NEGR1: variants seen among roughly 807,000 people sequenced by gnomAD.
The protein encoded by NEGR1 is neuronal growth regulator 1.
In NEGR1, 10 loss-of-function variants were observed where a neutral mutation model predicts 40.9. That is an observed-to-expected ratio of 0.24 (90% CI 0.15 to 0.42). The LOEUF is 0.42. NEGR1 is among the 10% of genes least tolerant of loss of function. NEGR1 has a pLI of 1.00. For missense variants in NEGR1, 352 were observed against 438.9 expected (o/e 0.80, Z 1.77); for synonymous variants, 185 against 166.8 (o/e 1.11, Z -0.84).
At chr1:72,092,206 T>A (rs1648526209) in intron 1 of NEGR1, among the ~76,000 whole-genome samples, 2 of 152,088 alleles carry the variant, frequency 1.3e-5, no homozygotes, top group African/African-American at 4.8e-5. Flanking sequence ...GTCAGATAAA[T>A]GACAGGAAAG....
chr1:71,742,093 T>C (rs1655230399), intron 3 of NEGR1, among the ~76,000 whole-genome samples: 1 of 152,094 alleles, frequency 6.6e-6, no homozygotes, highest in South Asian at 2.1e-4. Context: ...GGGGCTCTCG[T>C]AAGAGGATTA....
chr1:71,830,475 G>A (rs758906245), intron 2 of NEGR1, among the ~76,000 whole-genome samples: 36 of 151,664 alleles, frequency 2.4e-4, no homozygotes, highest in Admixed American at 4.6e-4. Context: ...AAAATAGGCC[G>A]TGCGTCAGAC....
chr1:72,115,327 GAAA>G (rs1649540190), intron 1 of NEGR1, among the ~76,000 whole-genome samples: 1 of 151,678 alleles, frequency 6.6e-6, no homozygotes, highest in South Asian at 2.1e-4. Context: ...ACAGATCTAA[GAAA>G]ATGTGGCTGG....
At chr1:72,250,337 C>G (rs1655045370) in intron 1 of NEGR1, among the ~76,000 whole-genome samples, 1 of 151,968 alleles carries the variant, frequency 6.6e-6, no homozygotes, top group Non-Finnish European at 1.5e-5. Flanking sequence ...AATATACTAC[C>G]CTTACCTTTC....
chr1:71,688,371 T>TATAAAAAAG (rs1553158636), intron 4 of NEGR1, among the ~76,000 whole-genome samples: 1 of 95,120 alleles, frequency 1.1e-5, no homozygotes, highest in African/African-American at 3.8e-5. Flanking sequence ...ATATATGAGA[T>TATAAAAAAG]ATATACATAA....
intron 1 of NEGR1, among the ~76,000 whole-genome samples, chr1:72,116,106 G>C (rs1420477423): frequency 6.6e-6 from 1 of 151,646 alleles, no homozygotes; most frequent in Non-Finnish European, 1.5e-5. Flanking sequence ...TCAGTGTGGA[G>C]GTTCAATAGA....
chr1:71,624,132 C>T (rs1650694015), intron 4 of NEGR1, among the ~76,000 whole-genome samples: 3 of 151,870 alleles, frequency 2.0e-5, no homozygotes, highest in African/African-American at 7.2e-5. Context: ...TCCTGCAAAG[C>T]TTATCTGTGA....
chr1:71,450,571 C>G (rs1454393548), intron 6 of NEGR1, among the ~76,000 whole-genome samples: 1 of 151,764 alleles, frequency 6.6e-6, no homozygotes, highest in Non-Finnish European at 1.5e-5. Context: ...CTTTGGGAGG[C>G]TGAGGCGGGC....
intron 1 of NEGR1, among the ~76,000 whole-genome samples, chr1:72,037,847 G>A (rs1458516889): frequency 2.0e-5 from 3 of 151,946 alleles, no homozygotes; most frequent in South Asian, 2.1e-4. Flanking sequence ...CTATTAGCCA[G>A]GTCGCTTATT....
intron 1 of NEGR1, among the ~76,000 whole-genome samples, chr1:72,143,959 C>CA (rs1650806286): frequency 7.3e-6 from 1 of 137,284 alleles, no homozygotes; most frequent in African/African-American, 2.7e-5. Context: ...TCAGTATTTT[C>CA]AACTGGGGAG....
At chr1:72,004,988 A>G (rs992614514) in intron 1 of NEGR1, among the ~76,000 whole-genome samples, 9 of 152,218 alleles carry the variant, frequency 5.9e-5, no homozygotes, top group African/African-American at 2.2e-4. Flanking sequence ...ATCTCCTTCT[A>G]CTTTATGGGT....
chr1:72,204,467 G>C (rs1332133896), intron 1 of NEGR1, among the ~76,000 whole-genome samples: 1 of 152,106 alleles, frequency 6.6e-6, no homozygotes, highest in East Asian at 1.9e-4. Flanking sequence ...CGTATCAGTA[G>C]AACTTCTGTG....
chr1:72,281,165 A>T (rs532704086), intron 1 of NEGR1, among the ~76,000 whole-genome samples: 1 of 152,320 alleles, frequency 6.6e-6, no homozygotes, highest in Non-Finnish European at 1.5e-5. Flanking sequence ...TGAGAAAAAT[A>T]AGTAAAAGTG....
chr1:71,786,881 T>C lies in NEGR1; in HGVS notation c.410-10584A>G, dbSNP rs1416744204. Among the ~76,000 whole-genome samples, 4 of 152,108 alleles carry C rather than the reference T, an allele frequency of 2.6e-5. No individual in the cohort carries two copies. The East Asian group carries it at 5.8e-4, about 22-fold the overall frequency. The stretch of plus-strand genomic sequence containing the variant: ...AAACAAAACAAAACAAAGCAAAAAA[T>C]ATTTGTTTCCGGTACTGTTCTCTGA... On this transcript the variant is annotated intron_variant, in intron 2 of 6. Coordinates refer to ENST00000357731, the MANE Select transcript of NEGR1 (RefSeq NM_173808.3).
intron 4 of NEGR1, among the ~76,000 whole-genome samples, chr1:71,679,057 G>C (rs1279672485): frequency 6.6e-6 from 1 of 152,132 alleles, no homozygotes; most frequent in Non-Finnish European, 1.5e-5. Flanking sequence ...AATTGAAAAT[G>C]AAACAGATCT....
intron 6 of NEGR1, among the ~76,000 whole-genome samples, chr1:71,497,547 T>G (rs2101395592): frequency 6.6e-6 from 1 of 152,244 alleles, no homozygotes; most frequent in Admixed American, 6.5e-5. Flanking sequence ...AGAAAACTGA[T>G]TCCCAGGATA....
chr1:72,189,974 ACT>A (rs1406298690), intron 1 of NEGR1, among the ~76,000 whole-genome samples: 1 of 151,266 alleles, frequency 6.6e-6, no homozygotes, highest in Admixed American at 6.6e-5. Context: ...TACTTTTCCT[ACT>A]CTCTTTTCCC....
intron 1 of NEGR1, among the ~76,000 whole-genome samples, chr1:72,232,817 A>G (rs185212647): frequency 2.0e-5 from 3 of 152,316 alleles, no homozygotes; most frequent in Middle Eastern, 3.4e-3. Flanking sequence ...TTGTTACCAC[A>G]TAAGTTTGAG....
chr1:71,652,131 A>G (rs959864586), intron 4 of NEGR1, among the ~76,000 whole-genome samples: 5 of 152,228 alleles, frequency 3.3e-5, no homozygotes, highest in Non-Finnish European at 1.5e-5. Context: ...GATATGCCCA[A>G]TTCCAATCCT....
Sources: allele counts gnomAD v4.1 joint callset (sites outside exome capture counted in the v4.1 genomes callset), GRCh38; gene constraint gnomAD v4.1.1; transcripts MANE v1.5; gene names NCBI Gene and HGNC (gene_info 2026-07-23, HGNC 2026-07-21).